Variants in KSR2 observed in about 807,000 individuals in gnomAD.
The protein encoded by KSR2 is kinase suppressor of ras 2.
KSR2 carries 25 observed loss-of-function variants against 107.8 expected under a neutral mutation model. The observed-to-expected ratio is 0.23, with a 90% CI of 0.17 to 0.32. The LOEUF is 0.32. KSR2 is among the 10% of genes least tolerant of loss of function. The pLI is 1.00. For synonymous variants in KSR2, 480 were observed against 507.0 expected, an observed-to-expected ratio of 0.95 and a Z score of 0.71; for missense variants, 887 against 1,268.9, an observed-to-expected ratio of 0.70 and a Z score of 4.57.
At chr12:117,550,695 A>G (rs76121265) in intron 9 of KSR2, among the ~76,000 whole-genome samples, 4,081 of 152,300 alleles carry the variant, frequency 0.027, 175 homozygotes, top group African/African-American at 0.093. Context: ...AGTAGGAACT[A>G]TATGGAGGCA....
chr12:117,947,257 G>GAAAGAAAGAAAGAAAGAAAGAAAGA (rs1555260494), intron 1 of KSR2, among the ~76,000 whole-genome samples: 71 of 118,924 alleles, frequency 6.0e-4, no homozygotes, highest in East Asian at 1.0e-3. Flanking sequence ...AAGAAAGAAA[G>GAAAGAAAGAAAGAAAGAAAGAAAGA]AAGATAAACC....
chr12:117,585,146 A>G (rs1437831544), intron 5 of KSR2, among the ~76,000 whole-genome samples: 1 of 151,938 alleles, frequency 6.6e-6, no homozygotes, highest in Non-Finnish European at 1.5e-5. Flanking sequence ...CACAGGGCAG[A>G]CTCCCATAAT....
At chr12:117,901,578 T>C (rs1022616332) in intron 1 of KSR2, among the ~76,000 whole-genome samples, 1 of 152,140 alleles carries the variant, frequency 6.6e-6, no homozygotes, top group East Asian at 1.9e-4. Flanking sequence ...GCTGCAATTA[T>C]AGGCATGAGC....
At chr12:117,665,749 A>C (rs1884632914) in intron 5 of KSR2, among the ~76,000 whole-genome samples, 1 of 152,264 alleles carries the variant, frequency 6.6e-6, no homozygotes, top group Non-Finnish European at 1.5e-5. Flanking sequence ...ACTGTCTACA[A>C]GATGAACCTC....
chr12:117,937,235 C>G (rs1180692595), intron 1 of KSR2, among the ~76,000 whole-genome samples: 1 of 152,162 alleles, frequency 6.6e-6, no homozygotes, highest in African/African-American at 2.4e-5. Context: ...TAGCATGCTA[C>G]CAATGAATTT....
chr12:117,574,984 T>C (rs1879184753), intron 7 of KSR2, among the ~76,000 whole-genome samples: 1 of 151,312 alleles, frequency 6.6e-6, no homozygotes, highest in Admixed American at 6.6e-5. Context: ...ATGACCCAGA[T>C]CACACACTAC....
At chr12:117,581,014 C>CA (rs936700408) in intron 6 of KSR2, among the ~76,000 whole-genome samples, 2 of 152,064 alleles carry the variant, frequency 1.3e-5, no homozygotes, top group African/African-American at 4.8e-5. Flanking sequence ...GAGGAAAATA[C>CA]AAAAAAAGGC....
chr12:117,642,799 A>C (rs1332016428), intron 5 of KSR2, among the ~76,000 whole-genome samples: 4 of 152,178 alleles, frequency 2.6e-5, no homozygotes, highest in Non-Finnish European at 4.4e-5. Context: ...CATTTATAAC[A>C]TTCAAAGAAA....
At chr12:117,639,365 T>C (rs1883252822) in intron 5 of KSR2, among the ~76,000 whole-genome samples, 2 of 151,406 alleles carry the variant, frequency 1.3e-5, no homozygotes, top group African/African-American at 2.4e-5. Flanking sequence ...AGTCTTGCTG[T>C]GTTGCCCAGG....
At chr12:117,819,252 G>T (rs1891479653) in intron 3 of KSR2, among the ~76,000 whole-genome samples, 1 of 152,162 alleles carries the variant, frequency 6.6e-6, no homozygotes, top group East Asian at 1.9e-4. Flanking sequence ...TTGGGAGGAA[G>T]TTCCCCGTCA....
intron 14 of KSR2, among the ~76,000 whole-genome samples, chr12:117,493,326 T>C (rs1424899195): frequency 6.6e-6 from 1 of 152,180 alleles, no homozygotes. Flanking sequence ...ACTCCACTGC[T>C]ACAATGACTC....
chr12:117,607,455 C>T lies in KSR2; in HGVS notation c.1172-25096G>A, dbSNP rs912429625. Among the ~76,000 whole-genome samples, 13 of 152,142 alleles carry T rather than the reference C, an allele frequency of 8.5e-5. 1 individual carries two copies. In the East Asian group the frequency reaches 9.7e-4, roughly 11 times the overall value. ...AACTGAACCCAAACTGGGCAGCCTC[C>T]GAACTGCCGAGTCTGCACTGCCCTC... On this transcript the variant is annotated intron_variant, in intron 5 of 19. Transcript: ENST00000339824.
intron 4 of KSR2, among the ~76,000 whole-genome samples, chr12:117,740,783 G>A (rs1431955782): frequency 6.6e-6 from 1 of 151,568 alleles, no homozygotes; most frequent in Admixed American, 6.6e-5. Context: ...AAACATACAT[G>A]TGCAAGTATC....
At position 117,761,438 on chromosome 12, in the gene KSR2, G is replaced by A. The variant is rs1332180450; in HGVS notation, c.559C>T (p.Pro187Ser). The change falls in exon 4 of 20, where the codon CCC becomes TCC. Residue 187 changes from proline (P) to serine (S), a missense_variant. By Grantham distance (74) the Pro-to-Ser change is moderately conservative. This residue lies in a region of KSR2 where 399 missense variants were observed against 479.5 expected (regional missense o/e 0.83). Transcript: ENST00000339824. ...AGATGGGTGCGGATCCACGGGGTGG[G>A]CTCCGGGGGGCACACGGGATTGTTC... is the stretch of plus-strand genomic sequence containing the variant. ...KENNPVCPPE[P>S]TPWIRTHLSQ... 1 of 1,612,842 alleles carries A rather than the reference G, an allele frequency of 6.2e-7. No individual in the cohort carries two copies. Among genetic ancestry groups the A allele is most frequent in the Admixed American group, 1.7e-5 (1 of 59,592 alleles).
intron 5 of KSR2, among the ~76,000 whole-genome samples, chr12:117,666,955 A>G (rs1335778127): frequency 6.6e-6 from 1 of 152,248 alleles, no homozygotes; most frequent in Non-Finnish European, 1.5e-5. Context: ...AAGAGCAGAA[A>G]GTAAACCACC....
At chr12:117,626,825 A>C (rs1167826658) in intron 5 of KSR2, among the ~76,000 whole-genome samples, 9 of 152,056 alleles carry the variant, frequency 5.9e-5, no homozygotes, top group African/African-American at 2.2e-4. Context: ...TCCCATTATT[A>C]TTGTGTGGGA....
chr12:117,742,180 GGA>G (rs1258079523), intron 4 of KSR2, among the ~76,000 whole-genome samples: 1 of 152,214 alleles, frequency 6.6e-6, no homozygotes, highest in African/African-American at 2.4e-5. Context: ...ATAGCCTACA[GGA>G]GAAAGCAAGT....
intron 18 of KSR2, among the ~76,000 whole-genome samples, chr12:117,470,726 G>A (rs117381404): frequency 0.019 from 2,824 of 152,280 alleles, 61 homozygotes; most frequent in Non-Finnish European, 0.029. Context: ...GATCAAAAGA[G>A]AGGATTCTTC....
At chr12:117,807,306 A>G (rs2137038892) in intron 3 of KSR2, among the ~76,000 whole-genome samples, 1 of 152,318 alleles carries the variant, frequency 6.6e-6, no homozygotes, top group Non-Finnish European at 1.5e-5. Context: ...CATCTAAAAA[A>G]CCAGAGTGAG....
Sources: allele counts gnomAD v4.1 joint callset (sites outside exome capture counted in the v4.1 genomes callset), GRCh38; gene constraint gnomAD v4.1.1; regional missense constraint gnomAD v4.1.1; transcripts MANE v1.5; gene names NCBI Gene and HGNC (gene_info 2026-07-23, HGNC 2026-07-21).